Variants in CNTN5 observed in about 807,000 individuals in gnomAD.
CNTN5 encodes the protein contactin-5.
Under a neutral mutation model 129.1 loss-of-function variants are expected in CNTN5, and 77 were observed. That is an observed-to-expected ratio of 0.60 (90% confidence interval 0.50 to 0.72). The LOEUF (loss-of-function observed/expected upper bound fraction) is 0.72. CNTN5 is among the 30% of genes least tolerant of loss of function. CNTN5 has a pLI of 0.00. For synonymous variants in CNTN5, 509 were observed against 465.6 expected (o/e 1.09, Z -1.20); for missense variants, 1,478 against 1,328.8 (o/e 1.11, Z -1.75).
In CNTN5 at chr11:99,465,575, A is replaced by C. The variant is rs528458454; in HGVS notation, c.-70-90570A>C. Among the ~76,000 whole-genome samples the C allele has an allele frequency of 1.6e-3, 246 of 151,992 alleles. 2 individuals carry two copies. Among genetic ancestry groups the C allele is most frequent in the African/African-American group, 5.6e-3 (232 of 41,526 alleles). On this transcript the variant is annotated intron_variant, in intron 2 of 24. Coordinates refer to ENST00000524871, the MANE Select transcript of CNTN5 (RefSeq NM_014361.4). Reference sequence around the variant, plus strand: ...TCAGTGCTACACACCAGCTTCTAGAATATTACTTGGTATATAGTAGGAAAT... The same window carrying C: ...TCAGTGCTACACACCAGCTTCTAGACTATTACTTGGTATATAGTAGGAAAT...
intron 1 of CNTN5, among the ~76,000 whole-genome samples, chr11:99,286,504 A>G (rs183519364): frequency 6.6e-6 from 1 of 152,280 alleles, no homozygotes; most frequent in East Asian, 1.9e-4. Flanking sequence ...TTAGTAGGAG[A>G]CTTAATGTTA....
intron 1 of CNTN5, among the ~76,000 whole-genome samples, chr11:99,215,735 T>C (rs2135685549): frequency 6.6e-6 from 1 of 152,280 alleles, no homozygotes; most frequent in African/African-American, 2.4e-5. Context: ...GTACTACATT[T>C]TCTTTATCAG....
At chr11:99,732,991 G>A (rs546817236) in intron 3 of CNTN5, among the ~76,000 whole-genome samples, 31 of 152,210 alleles carry the variant, frequency 2.0e-4, no homozygotes, top group African/African-American at 4.8e-4. Context: ...TTTTTTCAGC[G>A]TATGATGAAA....
At chr11:100,217,193 T>C (rs1949155380) in intron 15 of CNTN5, among the ~76,000 whole-genome samples, 1 of 152,218 alleles carries the variant, frequency 6.6e-6, no homozygotes, top group Non-Finnish European at 1.5e-5. Context: ...AATTTATCTT[T>C]TCTCTTTATC....
At chr11:99,125,640 A>G (rs1391328411) in intron 1 of CNTN5, among the ~76,000 whole-genome samples, 1 of 152,156 alleles carries the variant, frequency 6.6e-6, no homozygotes, top group Non-Finnish European at 1.5e-5. Context: ...ACAGGCATCC[A>G]GCTAGGAAGA....
At chr11:100,096,413 C>A (rs1018870338) in intron 13 of CNTN5, among the ~76,000 whole-genome samples, 1 of 152,036 alleles carries the variant, frequency 6.6e-6, no homozygotes, top group Non-Finnish European at 1.5e-5. Context: ...GATATATACC[C>A]GTATTCTGGG....
chr11:99,905,639 A>C (rs1442145714), intron 6 of CNTN5, among the ~76,000 whole-genome samples: 8 of 152,142 alleles, frequency 5.3e-5, no homozygotes. Flanking sequence ...TTTTGGTTCC[A>C]TATGAAATTT....
Position 100,191,121 on chromosome 11 carries a change from T to C in CNTN5, c.1581-5T>C. On this transcript the variant is annotated splice_polypyrimidine_tract_variant and splice_region_variant and intron_variant, in intron 13 of 24. Coordinates refer to ENST00000524871, the MANE Select transcript of CNTN5 (RefSeq NM_014361.4). ...AAAAAAAAACTGTTTTTAAATAATT[T>C]TCAGAATAGCTATTCTTCCAGACGG... The C allele has an allele frequency of 6.3e-7, 1 of 1,579,372 alleles. No homozygotes were observed. The highest frequency in any genetic ancestry group is 8.6e-7 in the Non-Finnish European group (1 of 1,165,238).
chr11:99,386,864 C>T (rs1940954956), intron 2 of CNTN5, among the ~76,000 whole-genome samples: 1 of 152,054 alleles, frequency 6.6e-6, no homozygotes, highest in Non-Finnish European at 1.5e-5. Flanking sequence ...CATTCTAAGG[C>T]ATTTCTCCTC....
intron 3 of CNTN5, among the ~76,000 whole-genome samples, chr11:99,796,433 T>C (rs1417040156): frequency 2.0e-5 from 3 of 151,898 alleles, no homozygotes; most frequent in Non-Finnish European, 2.9e-5. Flanking sequence ...GCTGGCAAAG[T>C]TGCACAGGGA....
chr11:99,095,733 T>C (rs1410636743), intron 1 of CNTN5, among the ~76,000 whole-genome samples: 3 of 151,858 alleles, frequency 2.0e-5, no homozygotes, highest in Non-Finnish European at 2.9e-5. Context: ...ACAAATGAAA[T>C]TGGGACTGTA....
chr11:100,057,807 A>T (rs12418154), intron 9 of CNTN5, among the ~76,000 whole-genome samples: 1 of 152,030 alleles, frequency 6.6e-6, no homozygotes, highest in African/African-American at 2.4e-5. Context: ...ATATATTCAT[A>T]CCATATAAAT....
chr11:100,038,867 C>A (rs1057015540), intron 9 of CNTN5, among the ~76,000 whole-genome samples: 9 of 152,062 alleles, frequency 5.9e-5, no homozygotes, highest in Non-Finnish European at 4.4e-5. Context: ...TATGTGTCTG[C>A]ACGTGAGGTG....
chr11:100,119,630 A>T lies in CNTN5; in HGVS notation c.1580+45336A>T, dbSNP rs147849898. Among the ~76,000 whole-genome samples the T allele has an allele frequency of 3.0e-3, 463 of 152,042 alleles. 3 individuals carry two copies. The highest frequency in any genetic ancestry group is 0.01 in the African/African-American group (436 of 41,550). ...ATTTAATAAGCAACTTTAGAAGATT[A>T]TGGAAGAATATAGAAATGTAGGTTT... On this transcript the variant is annotated intron_variant, in intron 13 of 24. Transcript: ENST00000524871.
At chr11:99,460,870 T>G (rs1944672751) in intron 2 of CNTN5, among the ~76,000 whole-genome samples, 1 of 151,998 alleles carries the variant, frequency 6.6e-6, no homozygotes, top group Non-Finnish European at 1.5e-5. Flanking sequence ...ATCCATCCAT[T>G]CCAATCATAA....
chr11:99,087,746 G>A (rs903992632), intron 1 of CNTN5, among the ~76,000 whole-genome samples: 3 of 152,158 alleles, frequency 2.0e-5, no homozygotes, highest in African/African-American at 7.2e-5. Context: ...TGCAAACTTT[G>A]TATTTCAAAA....
At chr11:100,331,600 G>A (rs1289546165) in intron 21 of CNTN5, among the ~76,000 whole-genome samples, 2 of 152,006 alleles carry the variant, frequency 1.3e-5, no homozygotes, top group Non-Finnish European at 2.9e-5. Context: ...ACAAGTCTCA[G>A]TAAATTTAAG....
chr11:99,655,899 G>A (rs966724661), intron 3 of CNTN5, among the ~76,000 whole-genome samples: 1 of 151,756 alleles, frequency 6.6e-6, no homozygotes, highest in Non-Finnish European at 1.5e-5. Flanking sequence ...GCTATTCAGA[G>A]GCTCCACAAT....
At chr11:99,738,381 A>G (rs754133003) in intron 3 of CNTN5, among the ~76,000 whole-genome samples, 1 of 152,192 alleles carries the variant, frequency 6.6e-6, no homozygotes, top group Non-Finnish European at 1.5e-5. Flanking sequence ...CTCCAGAACG[A>G]TGAGAAAATA....
Sources: gnomAD v4.1 joint callset for allele counts (sites outside exome capture counted in the v4.1 genomes callset) on GRCh38, gnomAD v4.1.1 for gene constraint, MANE v1.5 for transcripts, NCBI Gene and HGNC (gene_info 2026-07-23, HGNC 2026-07-21) for gene names.